Variants in PRKG1 observed in about 807,000 individuals in gnomAD.
The protein encoded by PRKG1 is protein kinase cGMP-dependent 1.
A neutral mutation model predicts 88.1 loss-of-function variants in PRKG1; 35 were observed. The ratio of observed to expected loss-of-function variants is 0.40; its 90% CI spans 0.30 to 0.53. The LOEUF (loss-of-function observed/expected upper bound fraction) is 0.53. Ranked by LOEUF, PRKG1 falls within the 20% of genes least tolerant of loss-of-function variation. PRKG1 has a pLI of 0.59. For missense variants in PRKG1, 540 were observed against 839.8 expected (o/e 0.64, Z 4.41); for synonymous variants, 303 against 292.5 (o/e 1.04, Z -0.37).
chr10:51,168,769 T>C (rs1846618883), intron 2 of PRKG1, among the ~76,000 whole-genome samples: 1 of 152,188 alleles, frequency 6.6e-6, no homozygotes, highest in Non-Finnish European at 1.5e-5. Flanking sequence ...TAAATAGTCT[T>C]GATAAATTAG....
intron 4 of PRKG1, among the ~76,000 whole-genome samples, chr10:51,815,674 C>CT (rs1399944056): frequency 1.3e-5 from 2 of 152,082 alleles, no homozygotes; most frequent in Admixed American, 1.3e-4. Context: ...ATCATAGGTC[C>CT]TTTTTTGTTT....
intron 2 of PRKG1, among the ~76,000 whole-genome samples, chr10:51,423,542 G>A (rs1838480563): frequency 6.6e-6 from 1 of 151,550 alleles, no homozygotes; most frequent in Non-Finnish European, 1.5e-5. Flanking sequence ...GACTCTCAGT[G>A]GTTCTCATCT....
chr10:51,701,439 T>TG (rs1841463472), intron 3 of PRKG1, among the ~76,000 whole-genome samples: 3 of 152,240 alleles, frequency 2.0e-5, no homozygotes, highest in African/African-American at 7.2e-5. Context: ...TCACCCAAGA[T>TG]GCGCGACAGT....
At chr10:51,168,578 G>C (rs774368667) in intron 2 of PRKG1, among the ~76,000 whole-genome samples, 3 of 152,128 alleles carry the variant, frequency 2.0e-5, no homozygotes, top group African/African-American at 7.2e-5. Context: ...GCATAAGGAA[G>C]TCTGGAGACT....
intron 3 of PRKG1, among the ~76,000 whole-genome samples, chr10:51,534,480 A>G (rs1230976749): frequency 3.9e-5 from 6 of 151,956 alleles, no homozygotes; most frequent in African/African-American, 7.3e-5. Flanking sequence ...CATCCTGGCT[A>G]ACATGGTGAA....
rs1023496652 is a variant in PRKG1 at position 52,205,945 on chromosome 10, A to G, written c.1076+43982A>G. Among the ~76,000 whole-genome samples the G allele has an allele frequency of 5.3e-5, 8 of 152,184 alleles. No individual in the cohort carries two copies. In the South Asian group the frequency reaches 1.4e-3, roughly 28 times the overall value. On this transcript the variant is annotated intron_variant, in intron 9 of 17. Transcript: ENST00000373980. ...TTCAGGGATTCTCTCCATTTCCTGA[A>G]TTTGAATGTTGACCTCTCTGTTGAG...
Position 52,296,889 on chromosome 10 carries a change from G to A in PRKG1, c.*2989G>A, listed in dbSNP as rs926679080. ...TTTATTTTGGTTATATTCTTTACAA[G>A]TCATAATTTTTACCTAAAATTGTGG... On this transcript the variant is annotated 3_prime_UTR_variant, in exon 18 of 18. Transcript: ENST00000373980. 6.6e-6 allele frequency: 1 copy of A among 152,004 alleles called. No homozygotes were observed. The highest frequency in any genetic ancestry group is 2.4e-5 in the African/African-American group (1 of 41,408). 9.4% of individuals were successfully genotyped at this position (152,004 alleles called of 1,614,324 possible).
At position 51,939,608 on chromosome 10, in the gene PRKG1, T is replaced by C. The variant is rs553031709; in HGVS notation, c.762+32038T>C. Among the ~76,000 whole-genome samples, 530 of 151,980 alleles carry C rather than the reference T, an allele frequency of 3.5e-3. 1 individual carries two copies. Among genetic ancestry groups the C allele is most frequent in the Non-Finnish European group, 5.7e-3 (390 of 67,894 alleles). On this transcript the variant is annotated intron_variant, in intron 5 of 17. Transcript: ENST00000373980. ...ATAAACTTAATTTTTTTTTTTTTAA[T>C]TTTGAGAAACACCACTATCTTGGTC...
intron 3 of PRKG1, among the ~76,000 whole-genome samples, chr10:51,522,094 A>G (rs1841750811): frequency 6.6e-6 from 1 of 152,192 alleles, no homozygotes; most frequent in East Asian, 1.9e-4. Context: ...TAAAAAGATC[A>G]GAAGAATTCA....
chr10:51,549,213 T>C (rs1007989211), intron 3 of PRKG1, among the ~76,000 whole-genome samples: 3 of 141,410 alleles, frequency 2.1e-5, no homozygotes, highest in Admixed American at 1.5e-4. Flanking sequence ...AACCTCTGCC[T>C]CCCAGGTTCA....
chr10:51,264,930 T>G (rs1839801190), intron 2 of PRKG1, among the ~76,000 whole-genome samples: 1 of 152,120 alleles, frequency 6.6e-6, no homozygotes, highest in Non-Finnish European at 1.5e-5. Flanking sequence ...TCAAGATAAA[T>G]GTGATCTTCA....
rs141257615 is a variant in PRKG1, at chr10:52,199,234, A to G, written c.1076+37271A>G. The stretch of plus-strand genomic sequence containing the variant: ...GACCTAGGCATTTCTTTTAAAGACT[A>G]CTAGGTACTTAATGTATTATCCTCC... On this transcript the variant is annotated intron_variant, in intron 9 of 17. Coordinates refer to ENST00000373980, the MANE Select transcript of PRKG1 (RefSeq NM_006258.4). 1.1e-3 allele frequency among the ~76,000 whole-genome samples: 163 copies of G among 152,258 alleles called. 1 individual carries two copies. The highest frequency in any genetic ancestry group is 4.2e-3 in the South Asian group (20 of 4,814).
At chr10:51,669,553 T>G (rs1406513438) in intron 3 of PRKG1, among the ~76,000 whole-genome samples, 3 of 152,150 alleles carry the variant, frequency 2.0e-5, no homozygotes, top group Non-Finnish European at 4.4e-5. Context: ...AACAGTTAAT[T>G]AGCACTGTTA....
intron 3 of PRKG1, among the ~76,000 whole-genome samples, chr10:51,595,612 A>G (rs1589116216): frequency 6.9e-6 from 1 of 145,084 alleles, no homozygotes; most frequent in East Asian, 2.2e-4. Flanking sequence ...CCTGGGTGAC[A>G]GAGTGAGACT....
At chr10:52,014,622 G>A (rs1451583193) in intron 5 of PRKG1, among the ~76,000 whole-genome samples, 1 of 152,124 alleles carries the variant, frequency 6.6e-6, no homozygotes, top group Non-Finnish European at 1.5e-5. Context: ...ACTCTTTCCA[G>A]CGTTAACTCA....
intron 3 of PRKG1, among the ~76,000 whole-genome samples, chr10:51,685,383 T>A (rs1840961742): frequency 3.3e-5 from 5 of 152,188 alleles, no homozygotes; most frequent in Admixed American, 3.3e-4. Context: ...TGTTTGTATG[T>A]TATTTATGAC....
At chr10:51,899,432 AG>A (rs1176865491) in intron 4 of PRKG1, among the ~76,000 whole-genome samples, 1 of 151,742 alleles carries the variant, frequency 6.6e-6, no homozygotes, top group Non-Finnish European at 1.5e-5. Flanking sequence ...TGGAAGACCG[AG>A]TAGGGTGGAT....
chr10:51,589,703 G>A (rs1234640433), intron 3 of PRKG1, among the ~76,000 whole-genome samples: 1 of 152,156 alleles, frequency 6.6e-6, no homozygotes, highest in African/African-American at 2.4e-5. Context: ...ACCAGGTTAT[G>A]CACCTTCACT....
intron 4 of PRKG1, among the ~76,000 whole-genome samples, chr10:51,891,324 A>G (rs961621363): frequency 2.6e-5 from 4 of 152,190 alleles, no homozygotes; most frequent in Non-Finnish European, 2.9e-5. Flanking sequence ...ATTCTGTACT[A>G]TCTTTGGATC....
Sources: gnomAD v4.1 joint callset for allele counts (sites outside exome capture counted in the v4.1 genomes callset) on GRCh38, gnomAD v4.1.1 for gene constraint, MANE v1.5 for transcripts, NCBI Gene and HGNC (gene_info 2026-07-23, HGNC 2026-07-21) for gene names.